The following ZNF727 variants were observed in gnomAD, a reference collection of about 807,000 sequenced individuals.
ZNF727 encodes zinc finger protein 727, also known as putative zinc finger protein 727.
ZNF727 carries 11 observed loss-of-function variants against 11.5 expected under a neutral mutation model. The ratio of observed to expected loss-of-function variants is 0.95; its 90% confidence interval spans 0.60 to 1.58. The LOEUF (loss-of-function observed/expected upper bound fraction) is 1.58. Ranked by LOEUF, ZNF727 falls within the 40% of genes most tolerant of loss-of-function variation. The pLI, the probability that ZNF727 is intolerant of heterozygous loss-of-function variation, is 0.00. For synonymous variants in ZNF727, 171 were observed against 196.1 expected (o/e 0.87, Z 1.07); for missense variants, 533 against 581.7 (o/e 0.92, Z 0.86).
rs1045495991 is a variant in ZNF727, at chr7:64,081,259, T to C, written c.*2710T>C. On this transcript the variant is annotated 3_prime_UTR_variant, in exon 4 of 4. Transcript: ENST00000456806. The stretch of plus-strand genomic sequence containing the variant: ...CTGGCCAGTAAAGGTTTTGATGCCT[T>C]CTCTGTGCCCCCCAAGAAGGAATGA... Among the ~76,000 whole-genome samples, 3 of 152,044 alleles carry C rather than the reference T, an allele frequency of 2.0e-5. No individual in the cohort carries two copies. Among genetic ancestry groups the C allele is most frequent in the Non-Finnish European group, 4.4e-5 (3 of 68,008 alleles).
At chr7:64,057,983 G>A (rs1284278995) in intron 1 of ZNF727, among the ~76,000 whole-genome samples, 2 of 152,018 alleles carry the variant, frequency 1.3e-5, no homozygotes, top group Admixed American at 6.6e-5. Context: ...AACAAAGCTG[G>A]GATAAAAGCA....
chr7:64,056,162 A>G (rs1789683216), intron 1 of ZNF727, among the ~76,000 whole-genome samples: 1 of 152,174 alleles, frequency 6.6e-6, no homozygotes, highest in Non-Finnish European at 1.5e-5. Flanking sequence ...TTTATTTTAT[A>G]TCCTGCCACT....
Position 64,069,646 on chromosome 7 carries a change from C to T in ZNF727, c.226+37C>T, listed in dbSNP as rs374786272. On this transcript the variant is annotated intron_variant, in intron 3 of 3. Coordinates refer to ENST00000456806, the MANE Select transcript of ZNF727 (RefSeq NM_001159522.3). ...TGAGTGAAGCAAATGACATAAATGA[C>T]GGTTCCCAATGTCAAGGAGGAAGCC... 510 of 1,480,438 alleles carry T rather than the reference C, an allele frequency of 3.4e-4. 1 individual carries two copies. The highest frequency in any genetic ancestry group is 5.6e-4 in the Admixed American group (28 of 50,278). The allele number at this position is 1,480,438 out of a possible 1,614,324, so 91.7% of individuals were successfully genotyped here.
At chr7:64,061,284 G>T (rs1789766027) in intron 1 of ZNF727, among the ~76,000 whole-genome samples, 1 of 152,056 alleles carries the variant, frequency 6.6e-6, no homozygotes, top group Admixed American at 6.6e-5. Context: ...GAAGTCTCTA[G>T]CTATTATTGT....
intron 1 of ZNF727, among the ~76,000 whole-genome samples, chr7:64,067,349 T>C (rs1458438098): frequency 2.0e-5 from 3 of 152,126 alleles, no homozygotes; most frequent in Non-Finnish European, 4.4e-5. Flanking sequence ...CTCAAGGGTA[T>C]AGAACCAGAA....
rs560543478 is a variant in ZNF727, at chr7:64,046,041, G to A, written c.3+417G>A. Among the ~76,000 whole-genome samples, 67 of 152,202 alleles carry A rather than the reference G, an allele frequency of 4.4e-4. 1 individual carries two copies. The highest frequency in any genetic ancestry group is 1.5e-3 in the African/African-American group (63 of 41,526). On this transcript the variant is annotated intron_variant, in intron 1 of 3. Coordinates refer to ENST00000456806, the MANE Select transcript of ZNF727 (RefSeq NM_001159522.3). Reference sequence around the variant, plus strand: ...ATTTTATTTATTTATTTTGGAGACAGTGTCTCACTCTGTGCCCAGGCTAAA... The same window carrying A: ...ATTTTATTTATTTATTTTGGAGACAATGTCTCACTCTGTGCCCAGGCTAAA...
chr7:64,078,612 G>A lies in ZNF727; in HGVS notation c.*63G>A. 6.6e-7 allele frequency: 1 copy of A among 1,506,134 alleles called. No homozygotes were observed. The highest frequency in any genetic ancestry group is 1.8e-5 in the Admixed American group (1 of 55,194). 93.3% of individuals were successfully genotyped at this position (1,506,134 alleles called of 1,614,324 possible). A position where few individuals can be genotyped will look rare whatever the true frequency, so the allele number is the denominator to read the frequency against. On this transcript the variant is annotated 3_prime_UTR_variant, in exon 4 of 4. Transcript: ENST00000456806. ...TGGAAAAGCTTTTACGTGGATCTTG[G>A]CCCTTAGTAAACACAAGAGAATTCA... is the stretch of plus-strand genomic sequence containing the variant.
chr7:64,064,759 GC>G (rs1789836552), intron 1 of ZNF727, among the ~76,000 whole-genome samples: 1 of 152,132 alleles, frequency 6.6e-6, no homozygotes, highest in African/African-American at 2.4e-5. Context: ...TCTGACTACG[GC>G]TAGTCTGAGT....
intron 1 of ZNF727, among the ~76,000 whole-genome samples, chr7:64,068,088 GT>G (rs769698978): frequency 4.6e-5 from 7 of 151,948 alleles, no homozygotes; most frequent in Admixed American, 1.3e-4. Flanking sequence ...CATATCCTTT[GT>G]TAATCAGCAC....
In ZNF727 at chr7:64,079,587, T is replaced by C. The variant is rs1785751795; in HGVS notation, c.*1038T>C. On this transcript the variant is annotated 3_prime_UTR_variant, in exon 4 of 4. Coordinates refer to ENST00000456806, the MANE Select transcript of ZNF727 (RefSeq NM_001159522.3). ...GCTTATTTGAAATGGGTATCTCAAT[T>C]ACAGCATACCATTAGATCTTGGTTC... is the stretch of plus-strand genomic sequence containing the variant. Among the ~76,000 whole-genome samples the C allele has an allele frequency of 6.6e-6, 1 of 152,218 alleles. No individual in the cohort carries two copies. The highest frequency in any genetic ancestry group is 6.5e-5 in the Admixed American group (1 of 15,276).
At position 64,082,786 on chromosome 7, in the gene ZNF727, G is replaced by A. The variant is rs1313725869; in HGVS notation, c.*4237G>A. Among the ~76,000 whole-genome samples, 1 of 152,106 alleles carries A rather than the reference G, an allele frequency of 6.6e-6. No individual in the cohort carries two copies. The highest frequency in any genetic ancestry group is 1.5e-5 in the Non-Finnish European group (1 of 68,046). On this transcript the variant is annotated 3_prime_UTR_variant, in exon 4 of 4. Transcript: ENST00000456806. ...AGTCTCAGCTAATCGGGAGGCTGAG[G>A]CAGGAGAATTGCTTGAACCCAGGAG...
intron 3 of ZNF727, among the ~76,000 whole-genome samples, chr7:64,074,847 C>A (rs1368422734): frequency 2.6e-5 from 4 of 152,022 alleles, no homozygotes; most frequent in Admixed American, 6.6e-5. Flanking sequence ...GGACACTGTC[C>A]AGCATATAAT....
intron 1 of ZNF727, among the ~76,000 whole-genome samples, chr7:64,051,960 C>A (rs547036823): frequency 5.9e-5 from 9 of 152,204 alleles, no homozygotes; most frequent in Middle Eastern, 3.4e-3. Flanking sequence ...TCATGTCGGT[C>A]CATTTACCCA....
chr7:64,078,034 C>A lies in ZNF727; in HGVS notation c.985C>A (p.Gln329Lys), dbSNP rs750852517. ...TTTTATGTGGATCTCGGCCCTTAGT[C>A]AACATAACAGAATTCATACTGGAGA... ...KAFMWISALS[Q>K]HNRIHTGEKP... Residue 329 changes from glutamine to lysine, a missense_variant, in exon 4 of 4, where the codon CAA becomes AAA. By Grantham distance (53) the Gln-to-Lys change is moderately conservative. This residue lies in a region of ZNF727 where 463 missense variants were observed against 494.5 expected (regional missense o/e 0.94). Transcript: ENST00000456806. The A allele has an allele frequency of 9.4e-6, 15 of 1,601,456 alleles. No homozygotes were observed. In the African/African-American group the frequency reaches 1.8e-4, roughly 19 times the overall value.
intron 3 of ZNF727, 130 bp from the exon 4 acceptor site, chr7:64,077,146 A>G: frequency 1.1e-6 from 1 of 941,332 alleles, no homozygotes; most frequent in South Asian, 2.0e-5. Flanking sequence ...ATATGTCTAT[A>G]AAGGAAGTAG....
rs1207838385 is a variant in ZNF727 at position 64,082,785 on chromosome 7, G to A, written c.*4236G>A. Among the ~76,000 whole-genome samples, 1 of 152,166 alleles carries A rather than the reference G, an allele frequency of 6.6e-6. No individual in the cohort carries two copies. Among genetic ancestry groups the A allele is most frequent in the Non-Finnish European group, 1.5e-5 (1 of 68,050 alleles). On this transcript the variant is annotated 3_prime_UTR_variant, in exon 4 of 4. Coordinates refer to ENST00000456806, the MANE Select transcript of ZNF727 (RefSeq NM_001159522.3). Reference sequence around the variant, plus strand: ...TAGTCTCAGCTAATCGGGAGGCTGAGGCAGGAGAATTGCTTGAACCCAGGA... The same window carrying A: ...TAGTCTCAGCTAATCGGGAGGCTGAAGCAGGAGAATTGCTTGAACCCAGGA...
chr7:64,072,058 A>G (rs563138564), intron 3 of ZNF727, among the ~76,000 whole-genome samples: 1 of 152,276 alleles, frequency 6.6e-6, no homozygotes, highest in South Asian at 2.1e-4. Context: ...TGCTTTGGCT[A>G]TTTAAAGTTT....
Position 64,078,066 on chromosome 7 carries a change from C to G in ZNF727, c.1017C>G (p.Pro339=). 1 of 1,611,146 alleles carries G rather than the reference C, an allele frequency of 6.2e-7. No homozygotes were observed. Among genetic ancestry groups the G allele is most frequent in the Non-Finnish European group, 8.5e-7 (1 of 1,178,730 alleles). Residue 339 remains proline (P), a synonymous_variant, in exon 4 of 4, where the codon CCC becomes CCG. Coordinates refer to ENST00000456806, the MANE Select transcript of ZNF727 (RefSeq NM_001159522.3). The stretch of plus-strand genomic sequence containing the variant: ...ACAGAATTCATACTGGAGAGAAACC[C>G]TACATTTGTGAAGAATGTGGCAAAG... ...QHNRIHTGEK[P]YICEECGKAF... is the part of the protein sequence containing the mutation.
At position 64,080,825 on chromosome 7, in the gene ZNF727, G is replaced by A. The variant is rs1398871898; in HGVS notation, c.*2276G>A. 1.3e-5 allele frequency among the ~76,000 whole-genome samples: 2 copies of A among 151,838 alleles called. No individual in the cohort carries two copies. Among genetic ancestry groups the A allele is most frequent in the Non-Finnish European group, 2.9e-5 (2 of 67,980 alleles). ...TTGATGGTCTTGAGTATTTGATTGT[G>A]GTAAAAGGTGGATTCAGCCAACAGG... is the stretch of plus-strand genomic sequence containing the variant. On this transcript the variant is annotated 3_prime_UTR_variant, in exon 4 of 4. Transcript: ENST00000456806.
Sources: allele counts gnomAD v4.1 joint callset (sites outside exome capture counted in the v4.1 genomes callset), GRCh38; gene constraint gnomAD v4.1.1; regional missense constraint gnomAD v4.1.1; transcripts MANE v1.5; gene names NCBI Gene and HGNC (gene_info 2026-07-23, HGNC 2026-07-21).